The following BAALC variants were observed in gnomAD, a reference collection of about 807,000 sequenced individuals.
The protein encoded by BAALC is brain and acute leukemia cytoplasmic protein.
BAALC carries 9 observed loss-of-function variants against 15.5 expected under a neutral mutation model. The observed-to-expected ratio is 0.58, with a 90% CI of 0.35 to 1.02. The LOEUF (loss-of-function observed/expected upper bound fraction) is 1.02. Ranked by LOEUF, BAALC falls within the 50% of genes least tolerant of loss-of-function variation. The pLI is 0.02. For synonymous variants in BAALC, 80 were observed against 74.6 expected (o/e 1.07, Z -0.37); for missense variants, 201 against 192.4 (o/e 1.04, Z -0.27).
intron 1 of BAALC, among the ~76,000 whole-genome samples, chr8:103,172,457 A>G (rs1258425514): frequency 6.9e-6 from 1 of 144,320 alleles, no homozygotes; most frequent in Non-Finnish European, 1.5e-5. Flanking sequence ...AGTACAGTAC[A>G]GTGACATGAT....
At chr8:103,156,712 G>A (rs1811099565) in intron 1 of BAALC, among the ~76,000 whole-genome samples, 1 of 152,226 alleles carries the variant, frequency 6.6e-6, no homozygotes, top group Non-Finnish European at 1.5e-5. Context: ...GCCACAGGCT[G>A]TAATGCCAGA....
chr8:103,192,700 A>G (rs2130006425), intron 1 of BAALC, among the ~76,000 whole-genome samples: 1 of 152,294 alleles, frequency 6.6e-6, no homozygotes, highest in African/African-American at 2.4e-5. Context: ...CAGCACCCCC[A>G]AGGCAAGTCT....
At chr8:103,174,146 G>A (rs919728006) in intron 1 of BAALC, among the ~76,000 whole-genome samples, 4 of 151,958 alleles carry the variant, frequency 2.6e-5, no homozygotes, top group African/African-American at 9.7e-5. Flanking sequence ...CTCAGACTGT[G>A]AAAGGGATCC....
At chr8:103,199,103 T>C (rs1381929301) in intron 1 of BAALC, among the ~76,000 whole-genome samples, 1 of 152,216 alleles carries the variant, frequency 6.6e-6, no homozygotes, top group Non-Finnish European at 1.5e-5. Flanking sequence ...TACAGTGGTG[T>C]AAAGAACATC....
At chr8:103,153,363 A>G (rs779753436) in intron 1 of BAALC, 8 of 152,228 alleles carry the variant, frequency 5.3e-5, no homozygotes, top group Non-Finnish European at 1.0e-4. Context: ...CATGATTGCT[A>G]GTGTTACAAT....
intron 1 of BAALC, among the ~76,000 whole-genome samples, chr8:103,175,884 A>G (rs1811596398): frequency 6.6e-6 from 1 of 152,196 alleles, no homozygotes; most frequent in Non-Finnish European, 1.5e-5. Flanking sequence ...CCTCTCAATT[A>G]ATTTGTAGAA....
intron 1 of BAALC, among the ~76,000 whole-genome samples, chr8:103,193,584 G>A (rs1369121765): frequency 1.3e-5 from 2 of 152,152 alleles, no homozygotes; most frequent in African/African-American, 4.8e-5. Context: ...AAATAGATGG[G>A]AGCAAGACAT....
In BAALC at chr8:103,190,986, A is replaced by G. The variant is rs118044666; in HGVS notation, c.161-21933A>G. The stretch of plus-strand genomic sequence containing the variant: ...TGAGGCGGGGGGACTGCCTGAGCTC[A>G]GCAGTTTGAGACCATACTGGACAAC... On this transcript the variant is annotated intron_variant, in intron 1 of 2. Coordinates refer to ENST00000309982, the MANE Select transcript of BAALC (RefSeq NM_024812.3). The G allele has an allele frequency of 9.7e-4, 148 of 152,380 alleles. 1 individual carries two copies. In the East Asian group the frequency reaches 0.025, roughly 26 times the overall value. 9.4% of individuals were successfully genotyped at this position (152,380 alleles called of 1,614,324 possible).
chr8:103,185,719 C>T (rs1811820315), intron 1 of BAALC, among the ~76,000 whole-genome samples: 1 of 152,198 alleles, frequency 6.6e-6, no homozygotes, highest in South Asian at 2.1e-4. Context: ...TACTGTGTTT[C>T]TTTCCTCCCC....
chr8:103,205,582 A>G (rs1025539481), intron 1 of BAALC, among the ~76,000 whole-genome samples: 1 of 152,152 alleles, frequency 6.6e-6, no homozygotes, highest in Non-Finnish European at 1.5e-5. Flanking sequence ...AATATAGATG[A>G]GCCTCTGCAG....
intron 1 of BAALC, among the ~76,000 whole-genome samples, chr8:103,160,537 A>G (rs1198098878): frequency 6.6e-6 from 1 of 152,234 alleles, no homozygotes; most frequent in Non-Finnish European, 1.5e-5. Flanking sequence ...CAATAGGGAC[A>G]TACAGTTAGA....
chr8:103,222,335 G>A (rs190911355), intron 2 of BAALC, among the ~76,000 whole-genome samples: 1 of 152,262 alleles, frequency 6.6e-6, no homozygotes, highest in East Asian at 1.9e-4. Flanking sequence ...GAGACTCTGT[G>A]GGGCAATTTC....
intron 2 of BAALC, among the ~76,000 whole-genome samples, chr8:103,224,334 T>C (rs1253637343): frequency 1.3e-5 from 2 of 150,274 alleles, no homozygotes; most frequent in Admixed American, 1.3e-4. Flanking sequence ...TGGTTTTATA[T>C]ATTTTAGGGA....
At chr8:103,227,820 T>C (rs922527558) in intron 2 of BAALC, among the ~76,000 whole-genome samples, 169 bp from the exon 3 acceptor site, 7 of 152,134 alleles carry the variant, frequency 4.6e-5, no homozygotes, top group Admixed American at 3.9e-4. Flanking sequence ...CAAACCCTCT[T>C]TGGGAATTTT....
Position 103,140,833 on chromosome 8 carries a change from CG to C in BAALC, c.-61del. The stretch of plus-strand genomic sequence containing the variant: ...TCCTTGCGGGCCGGGGCTGCGCCTC[CG>C]GGGCTGAGCCGCCGCCAGAGCCGAC... On this transcript the variant is annotated 5_prime_UTR_variant, in exon 1 of 3. An upstream open reading frame in the 5' UTR loses its in-frame stop. Coordinates refer to ENST00000309982, the MANE Select transcript of BAALC (RefSeq NM_024812.3). This position sits in a 1 kb window ranked among gnomAD's most constrained non-coding sequence, Gnocchi z 4.2. The C allele has an allele frequency of 7.4e-7, 1 of 1,347,386 alleles. No homozygotes were observed. Among genetic ancestry groups the C allele is most frequent in the Non-Finnish European group, 9.5e-7 (1 of 1,047,394 alleles). The allele number at this position is 1,347,386 out of a possible 1,614,324, so 83.5% of individuals were successfully genotyped here.
intron 1 of BAALC, among the ~76,000 whole-genome samples, chr8:103,196,342 G>A (rs911167662): frequency 2.6e-5 from 4 of 152,140 alleles, no homozygotes; most frequent in African/African-American, 4.8e-5. Context: ...GTGCAGTGGT[G>A]CAATCTCAGC....
At chr8:103,174,587 C>T (rs1256810594) in intron 1 of BAALC, among the ~76,000 whole-genome samples, 1 of 152,178 alleles carries the variant, frequency 6.6e-6, no homozygotes, top group African/African-American at 2.4e-5. Context: ...AGATCATAGG[C>T]AAAGGGTAAT....
intron 2 of BAALC, among the ~76,000 whole-genome samples, chr8:103,222,834 A>T (rs1406392991): frequency 6.6e-6 from 1 of 152,118 alleles, no homozygotes; most frequent in Non-Finnish European, 1.5e-5. Flanking sequence ...TGCCATTTAG[A>T]AGTAGTAGTA....
intron 1 of BAALC, among the ~76,000 whole-genome samples, chr8:103,155,173 T>TATTAGATC: frequency 6.6e-6 from 1 of 152,184 alleles, no homozygotes; most frequent in Middle Eastern, 3.4e-3. Context: ...TCTATTAGAT[T>TATTAGATC]GGACCAAAAA....
Sources: allele counts gnomAD v4.1 joint callset (sites outside exome capture counted in the v4.1 genomes callset), GRCh38; gene constraint gnomAD v4.1.1; non-coding constraint Gnocchi (gnomAD v3.1); transcripts MANE v1.5; gene names NCBI Gene and HGNC (gene_info 2026-07-23, HGNC 2026-07-21).